RHBDD1: variants seen among roughly 807,000 people sequenced by gnomAD.
The protein encoded by RHBDD1 is rhomboid-related protein 4.
Under a neutral mutation model 36.3 loss-of-function variants are expected in RHBDD1, and 38 were observed. The observed-to-expected ratio is 1.05, with a 90% CI of 0.81 to 1.37. The LOEUF is 1.37. Ranked by LOEUF, RHBDD1 falls within the 40% of genes most tolerant of loss-of-function variation. RHBDD1 has a pLI of 0.00. For missense variants in RHBDD1, 393 were observed against 377.6 expected, an observed-to-expected ratio of 1.04 and a Z score of -0.34; for synonymous variants, 151 against 136.5, an observed-to-expected ratio of 1.11 and a Z score of -0.74.
At chr2:226,926,128 C>T (rs767701278) in intron 8 of RHBDD1, among the ~76,000 whole-genome samples, 2 of 151,820 alleles carry the variant, frequency 1.3e-5, no homozygotes, top group Non-Finnish European at 2.9e-5. Flanking sequence ...GCCTGTAATC[C>T]CAGCACTTTG....
chr2:226,836,051 C>G (rs922741154), upstream of RHBDD1: 14 of 152,716 alleles, frequency 9.2e-5, no homozygotes, highest in Non-Finnish European at 2.1e-4. Flanking sequence ...CGCACGTGCG[C>G]GCGAAGACGT....
chr2:226,914,101 C>T (rs1317554148), intron 7 of RHBDD1, 107 bp from the exon 8 acceptor site: 1 of 966,854 alleles, frequency 1.0e-6, no homozygotes, highest in African/African-American at 1.6e-5. Context: ...AATTATTATA[C>T]CTAAAATAAT....
intron 5 of RHBDD1, among the ~76,000 whole-genome samples, chr2:226,872,492 A>G: frequency 6.6e-6 from 1 of 152,218 alleles, no homozygotes; most frequent in East Asian, 1.9e-4. Context: ...AGCTTTCTTC[A>G]CAGCTCATCA....
intron 8 of RHBDD1, among the ~76,000 whole-genome samples, chr2:226,940,443 C>T (rs1238303051): frequency 1.3e-5 from 2 of 151,898 alleles, no homozygotes; most frequent in Non-Finnish European, 2.9e-5. Context: ...TATAAAGAGC[C>T]ACGTTGTTAA....
chr2:226,943,303 T>G (rs1950780690), intron 8 of RHBDD1, among the ~76,000 whole-genome samples: 1 of 152,166 alleles, frequency 6.6e-6, no homozygotes, highest in Admixed American at 6.5e-5. Flanking sequence ...CTGATTAAAA[T>G]TACACTCTAA....
intron 3 of RHBDD1, among the ~76,000 whole-genome samples, chr2:226,861,989 C>A (rs533895724): frequency 6.6e-6 from 1 of 152,158 alleles, no homozygotes; most frequent in East Asian, 1.9e-4. Context: ...TGTGCATGCA[C>A]GTGTATGTAT....
chr2:226,853,003 A>AAGC (rs1054812283), intron 3 of RHBDD1, among the ~76,000 whole-genome samples: 1 of 151,008 alleles, frequency 6.6e-6, no homozygotes, highest in African/African-American at 2.4e-5. Flanking sequence ...TCCTGGCCTC[A>AAGC]AGCAGTCCTC....
intron 8 of RHBDD1, among the ~76,000 whole-genome samples, chr2:226,921,619 A>G (rs1174534386): frequency 1.3e-5 from 2 of 152,150 alleles, no homozygotes; most frequent in Non-Finnish European, 2.9e-5. Context: ...ATATTGTTCA[A>G]TTTCCATGTA....
chr2:226,993,128 G>A (rs1237451069), intron 8 of RHBDD1, among the ~76,000 whole-genome samples: 2 of 152,166 alleles, frequency 1.3e-5, no homozygotes, highest in East Asian at 3.8e-4. Flanking sequence ...GCTGGACCTC[G>A]GGCATCTTCC....
chr2:226,867,313 A>G lies in RHBDD1; in HGVS notation c.561A>G (p.Ser187=). 1.2e-6 allele frequency: 2 copies of G among 1,612,360 alleles called. No homozygotes were observed. The highest frequency in any genetic ancestry group is 1.7e-6 in the Non-Finnish European group (2 of 1,179,652). ...AACTTGTGGCTATTCATTTATTCTCACCAGGGTAAGTGTTTTCTTTTGGGG... is the reference window on the plus strand; with the variant it reads ...AACTTGTGGCTATTCATTTATTCTCGCCAGGGTAAGTGTTTTCTTTTGGGG... ...WVELVAIHLF[S]PGTSFAGHLA... is the part of the protein sequence containing the mutation. The change falls in exon 5 of 9, where the codon TCA becomes TCG. Residue 187 remains serine (S), a synonymous_variant. Transcript: ENST00000392062.
In RHBDD1 at chr2:226,869,214, C is replaced by T. The variant is rs866539747; in HGVS notation, c.566+1896C>T. 1.8e-5 allele frequency: 18 copies of T among 981,856 alleles called. No homozygotes were observed. In the South Asian group the frequency reaches 2.4e-4, roughly 13 times the overall value. 60.8% of individuals were successfully genotyped at this position (981,856 alleles called of 1,614,324 possible). A position where few individuals can be genotyped will look rare whatever the true frequency, so the allele number is the denominator to read the frequency against. Reference sequence around the variant, plus strand: ...ATATGCATATTCTTTGTGGAGGCACCGGTAATTCTGAGCTTGGGAAGTAAA... The same window carrying T: ...ATATGCATATTCTTTGTGGAGGCACTGGTAATTCTGAGCTTGGGAAGTAAA... On this transcript the variant is annotated intron_variant, in intron 5 of 8. Coordinates refer to ENST00000392062, the MANE Select transcript of RHBDD1 (RefSeq NM_001167608.3).
chr2:226,804,680 T>C, the RHBDD1 span: 1 of 152,154 alleles, frequency 6.6e-6, no homozygotes, highest in Non-Finnish European at 1.5e-5. Flanking sequence ...CAACAGATGA[T>C]TTCAAAACAT....
At chr2:226,938,922 T>C (rs1231501885) in intron 8 of RHBDD1, among the ~76,000 whole-genome samples, 2 of 152,168 alleles carry the variant, frequency 1.3e-5, no homozygotes, top group Non-Finnish European at 2.9e-5. Flanking sequence ...ATCAAAAAGC[T>C]TATCCATCAG....
Position 226,842,450 on chromosome 2 carries a change from G to T in RHBDD1, c.-91+2823G>T, listed in dbSNP as rs115349554. Among the ~76,000 whole-genome samples, 603 of 152,038 alleles carry T rather than the reference G, an allele frequency of 4.0e-3. 3 individuals are homozygous for T. The highest frequency in any genetic ancestry group is 0.014 in the African/African-American group (561 of 41,522). On this transcript the variant is annotated intron_variant, in intron 3 of 8. Transcript: ENST00000392062. ...TTGACATTTAAGTCTTTAATTCATT[G>T]TGAGTTAATTTTTGTATGTAATATA...
At chr2:226,963,517 C>T (rs898749393) in intron 8 of RHBDD1, among the ~76,000 whole-genome samples, 1 of 152,150 alleles carries the variant, frequency 6.6e-6, no homozygotes, top group African/African-American at 2.4e-5. Context: ...CCCCAGTGTT[C>T]TGAGTAATCA....
At position 226,977,231 on chromosome 2, in the gene RHBDD1, G is replaced by A. The variant is rs534716119; in HGVS notation, c.857-18200G>A. On this transcript the variant is annotated intron_variant, in intron 8 of 8. Transcript: ENST00000392062. ...CCAGTTCAGTTTGTGTCTCCCCTTC[G>A]GCAAGCTCCCCCTCCCTTTAGTTTT... Among the ~76,000 whole-genome samples, 3 of 152,142 alleles carry A rather than the reference G, an allele frequency of 2.0e-5. No homozygotes were observed. The South Asian group carries it at 6.2e-4, about 32-fold the overall frequency.
intron 8 of RHBDD1, among the ~76,000 whole-genome samples, chr2:226,942,350 C>T (rs893505918): frequency 1.3e-5 from 2 of 152,046 alleles, no homozygotes; most frequent in Non-Finnish European, 2.9e-5. Flanking sequence ...GCCATTCTCC[C>T]TGCCTCAGCG....
intron 5 of RHBDD1, among the ~76,000 whole-genome samples, chr2:226,892,462 T>A (rs1265223756): frequency 6.6e-6 from 1 of 152,244 alleles, no homozygotes; most frequent in Non-Finnish European, 1.5e-5. Flanking sequence ...TTTGGCCATG[T>A]GCATATGACT....
intron 8 of RHBDD1, among the ~76,000 whole-genome samples, chr2:226,983,746 G>C (rs1016022992): frequency 3.3e-5 from 5 of 152,022 alleles, no homozygotes; most frequent in Non-Finnish European, 5.9e-5. Flanking sequence ...ATTTCAAATG[G>C]TCTTTGATTT....
Sources: allele counts gnomAD v4.1 joint callset (sites outside exome capture counted in the v4.1 genomes callset), GRCh38; gene constraint gnomAD v4.1.1; transcripts MANE v1.5; gene names NCBI Gene and HGNC (gene_info 2026-07-23, HGNC 2026-07-21).